NDUFA12: variants seen among roughly 807,000 people sequenced by gnomAD.
The protein encoded by NDUFA12 is NADH:ubiquinone oxidoreductase subunit A12, also known as NADH dehydrogenase [ubiquinone] 1 alpha subcomplex subunit 12.
Under a neutral mutation model 20.3 loss-of-function variants are expected in NDUFA12, and 17 were observed. The ratio of observed to expected loss-of-function variants is 0.84; its 90% CI spans 0.57 to 1.26. The LOEUF (loss-of-function observed/expected upper bound fraction) is 1.26, where lower values mean the gene tolerates loss of function less well. Among genes scored for constraint, NDUFA12 ranks in the 50% most tolerant of loss-of-function variants. NDUFA12 has a pLI of 0.00. For missense variants in NDUFA12, 191 were observed against 183.7 expected, an observed-to-expected ratio of 1.04 and a Z score of -0.23; for synonymous variants, 72 against 63.6, an observed-to-expected ratio of 1.13 and a Z score of -0.63.
chr12:94,992,200 T>G (rs1372790407), intron 3 of NDUFA12, among the ~76,000 whole-genome samples: 1 of 152,222 alleles, frequency 6.6e-6, no homozygotes, highest in Non-Finnish European at 1.5e-5. Flanking sequence ...CAGATATAAG[T>G]ACTTTGCTTT....
intron 2 of NDUFA12, among the ~76,000 whole-genome samples, chr12:95,001,742 G>A (rs1875039915): frequency 1.3e-5 from 2 of 152,174 alleles, no homozygotes; most frequent in Admixed American, 1.3e-4. Context: ...GTCTCGCTCT[G>A]TTGCCAGACT....
intron 3 of NDUFA12, among the ~76,000 whole-genome samples, chr12:94,974,138 A>AT (rs1873984611): frequency 6.6e-6 from 1 of 151,848 alleles, no homozygotes; most frequent in African/African-American, 2.4e-5. Flanking sequence ...TGCCGGGCTA[A>AT]TTTTTTTATT....
intron 3 of NDUFA12, among the ~76,000 whole-genome samples, chr12:94,989,421 T>C (rs1013586882): frequency 6.6e-6 from 1 of 152,204 alleles, no homozygotes; most frequent in South Asian, 2.1e-4. Flanking sequence ...TAATTAGAGA[T>C]ATATCAACCC....
At chr12:95,000,315 G>A (rs1592707147) in intron 2 of NDUFA12, among the ~76,000 whole-genome samples, 1 of 151,994 alleles carries the variant, frequency 6.6e-6, no homozygotes, top group African/African-American at 2.4e-5. Flanking sequence ...AGGACTTTGG[G>A]GACTCAAGGG....
intron 3 of NDUFA12, 89 bp downstream of exon 3, chr12:94,994,081 G>A: frequency 9.6e-6 from 11 of 1,147,736 alleles, no homozygotes; most frequent in Non-Finnish European, 1.3e-5. Context: ...TCATGATCAT[G>A]TCACTGCACT....
intron 3 of NDUFA12, among the ~76,000 whole-genome samples, chr12:94,982,431 G>A (rs892072827): frequency 4.6e-5 from 7 of 151,996 alleles, no homozygotes; most frequent in African/African-American, 1.4e-4. Context: ...CCGCCACTAG[G>A]CCCGGCTAAT....
At chr12:95,003,493 G>A (rs1592708479) in intron 1 of NDUFA12, 102 bp downstream of exon 1, 1 of 1,244,052 alleles carries the variant, frequency 8.0e-7, no homozygotes, top group Non-Finnish European at 1.2e-6. Flanking sequence ...CTTGACAAGA[G>A]CTGTGGATTC....
chr12:94,980,047 G>A (rs1201894019), intron 3 of NDUFA12, among the ~76,000 whole-genome samples: 1 of 151,930 alleles, frequency 6.6e-6, no homozygotes, highest in Non-Finnish European at 1.5e-5. Flanking sequence ...CAACCTCTTG[G>A]CAACAATCAA....
intron 3 of NDUFA12, among the ~76,000 whole-genome samples, chr12:94,985,889 A>T (rs1217133277): frequency 6.6e-6 from 1 of 152,074 alleles, no homozygotes; most frequent in Non-Finnish European, 1.5e-5. Flanking sequence ...ATTTGAGACC[A>T]GCCTGGCCAA....
At chr12:94,986,633 TA>T (rs200377156) in intron 3 of NDUFA12, among the ~76,000 whole-genome samples, 1 of 55,964 alleles carries the variant, frequency 1.8e-5, no homozygotes, top group Admixed American at 1.7e-4. Context: ...CCCTATCTCC[TA>T]AAAAAAAACC....
chr12:94,979,319 T>C (rs10859811), intron 3 of NDUFA12, among the ~76,000 whole-genome samples: 132,344 of 152,212 alleles, frequency 0.87, 57,639 homozygotes, highest in Admixed American at 0.9. Flanking sequence ...AATAAAATAT[T>C]AACAGTATTG....
chr12:94,973,695 C>A (rs1021697308), intron 3 of NDUFA12, among the ~76,000 whole-genome samples: 3 of 151,928 alleles, frequency 2.0e-5, no homozygotes, highest in African/African-American at 7.3e-5. Context: ...ATGGAAAATG[C>A]TCCAAAAAAG....
intron 3 of NDUFA12, among the ~76,000 whole-genome samples, chr12:94,978,142 G>C (rs1055946117): frequency 6.6e-6 from 1 of 152,116 alleles, no homozygotes; most frequent in African/African-American, 2.4e-5. Context: ...GGAAGGAGTT[G>C]GGGTTTTTAC....
intron 3 of NDUFA12, 112 bp from the exon 4 acceptor site, chr12:94,971,732 C>T: frequency 8.6e-7 from 1 of 1,162,882 alleles, no homozygotes; most frequent in Non-Finnish European, 1.3e-6. Flanking sequence ...CAAGCCTCAA[C>T]TCCATCAGTT....
rs1432553859 is a variant in NDUFA12, at chr12:94,994,192, C to T, written c.235G>A (p.Gly79Arg). The stretch of plus-strand genomic sequence containing the variant: ...TACCATTCAGGAGGCACCATGCTTC[C>T]ATCCACATCCCAGAATGTGTTTTTG... ...NGKNTFWDVDGSMVPPEWHRW... is the reference protein window; with the variant it reads ...NGKNTFWDVDRSMVPPEWHRW... Residue 79 changes from glycine (G) to arginine (R), a missense_variant, in exon 3 of 4, where the codon GGA (glycine) becomes AGA (arginine). Gly to Arg is a moderately radical substitution (Grantham distance 125). Transcript: ENST00000327772. The T allele has an allele frequency of 5.0e-6, 8 of 1,614,062 alleles. No individual in the cohort carries two copies. The highest frequency in any genetic ancestry group is 6.8e-6 in the Non-Finnish European group (8 of 1,179,938).
intron 3 of NDUFA12, among the ~76,000 whole-genome samples, chr12:94,987,791 CAAAAAAAAAAA>C (rs61711763): frequency 8.7e-5 from 6 of 69,346 alleles, no homozygotes; most frequent in African/African-American, 1.2e-4. Context: ...GACATTGTCT[CAAAAAAAAAAA>C]AAAAAAAAAA....
chr12:95,002,606 T>G, intron 2 of NDUFA12, 133 bp downstream of exon 2: 1 of 727,236 alleles, frequency 1.4e-6, no homozygotes, highest in South Asian at 1.6e-5. Flanking sequence ...TAAATTATCT[T>G]TTTTCATTTT....
chr12:94,971,356 G>T lies in NDUFA12; in HGVS notation c.*84C>A. ...TGTTTAGTCACACAATTTTAATTGT[G>T]AATTATAGTGAATGGTAAACAGTAA... On this transcript the variant is annotated 3_prime_UTR_variant, in exon 4 of 4. Transcript: ENST00000327772. The T allele has an allele frequency of 6.9e-7, 1 of 1,447,300 alleles. No homozygotes were observed. Among genetic ancestry groups the T allele is most frequent in the Non-Finnish European group, 9.7e-7 (1 of 1,031,228 alleles). The allele number at this position is 1,447,300 out of a possible 1,614,324, so 89.7% of individuals were successfully genotyped here. A position where few individuals can be genotyped will look rare whatever the true frequency, so the allele number is the denominator to read the frequency against.
intron 3 of NDUFA12, among the ~76,000 whole-genome samples, chr12:94,986,494 C>T (rs7314625): frequency 0.79 from 120,093 of 152,136 alleles, 47,539 homozygotes; most frequent in African/African-American, 0.83. Context: ...AATTGATTTA[C>T]TAATTGGCTT....
Sources: allele counts gnomAD v4.1 joint callset (sites outside exome capture counted in the v4.1 genomes callset), GRCh38; gene constraint gnomAD v4.1.1; transcripts MANE v1.5; gene names NCBI Gene and HGNC (gene_info 2026-07-23, HGNC 2026-07-21).